OLFM3: variants seen among roughly 807,000 people sequenced by gnomAD.
The protein encoded by OLFM3 is noelin-3.
In OLFM3, 20 loss-of-function variants were observed where a neutral mutation model predicts 48.6. The ratio of observed to expected loss-of-function variants is 0.41; its 90% CI spans 0.29 to 0.60. OLFM3 has a LOEUF of 0.60. Ranked by LOEUF, OLFM3 falls within the 20% of genes least tolerant of loss-of-function variation. The probability of loss-of-function intolerance (pLI) is 0.28; values close to 1 mark genes in which losing one functional copy is unlikely to be tolerated. For synonymous variants in OLFM3, 222 were observed against 198.1 expected (o/e 1.12, Z -1.01); for missense variants, 437 against 544.3 (o/e 0.80, Z 1.96).
At chr1:101,990,971 C>T (rs1366162458) in intron 1 of OLFM3, among the ~76,000 whole-genome samples, 9 of 106,076 alleles carry the variant, frequency 8.5e-5, no homozygotes, top group Admixed American at 4.2e-4. Context: ...GGCGACAGAG[C>T]GAGACTCTGT....
At chr1:101,824,088 A>G (rs1291186836) in intron 4 of OLFM3, among the ~76,000 whole-genome samples, 1 of 152,030 alleles carries the variant, frequency 6.6e-6, no homozygotes, top group Non-Finnish European at 1.5e-5. Context: ...AGTTTTCTTT[A>G]CTAGAAATTA....
At chr1:101,832,410 G>A (rs762300396) in intron 2 of OLFM3, among the ~76,000 whole-genome samples, 2 of 152,184 alleles carry the variant, frequency 1.3e-5, no homozygotes, top group Non-Finnish European at 2.9e-5. Context: ...AATGAATACT[G>A]TCTTGGCCTG....
chr1:101,971,348 T>C (rs1184811239), intron 1 of OLFM3, among the ~76,000 whole-genome samples: 1 of 152,160 alleles, frequency 6.6e-6, no homozygotes, highest in Non-Finnish European at 1.5e-5. Context: ...GAATTTGGGG[T>C]GGCCCTACGC....
chr1:101,809,847 G>T (rs1048402023), intron 4 of OLFM3, among the ~76,000 whole-genome samples: 3 of 151,944 alleles, frequency 2.0e-5, no homozygotes, highest in Admixed American at 2.0e-4. Context: ...GGAAGGAAAT[G>T]TGTCTAAGTC....
At chr1:101,945,575 G>A (rs1400466392) in intron 1 of OLFM3, among the ~76,000 whole-genome samples, 7 of 152,050 alleles carry the variant, frequency 4.6e-5, no homozygotes, top group African/African-American at 1.7e-4. Flanking sequence ...TTATATTGGT[G>A]ATAGTTTTAT....
At chr1:101,944,752 A>C (rs1659901861) in intron 1 of OLFM3, among the ~76,000 whole-genome samples, 2 of 151,698 alleles carry the variant, frequency 1.3e-5, no homozygotes, top group East Asian at 3.9e-4. Flanking sequence ...TGGTGGTGGG[A>C]GCCTGTAATC....
At chr1:101,857,081 C>A (rs1054804626) in intron 1 of OLFM3, among the ~76,000 whole-genome samples, 4 of 151,954 alleles carry the variant, frequency 2.6e-5, no homozygotes, top group Admixed American at 6.6e-5. Flanking sequence ...TCATAGGGAT[C>A]TTGGTCCTAT....
At chr1:101,833,442 C>T (rs1299918160) in intron 2 of OLFM3, among the ~76,000 whole-genome samples, 1 of 152,112 alleles carries the variant, frequency 6.6e-6, no homozygotes, top group African/African-American at 2.4e-5. Flanking sequence ...CCTGATGACA[C>T]GGGAGACTGA....
chr1:101,885,744 A>G (rs904262329), intron 1 of OLFM3, among the ~76,000 whole-genome samples: 2 of 152,154 alleles, frequency 1.3e-5, no homozygotes, highest in Non-Finnish European at 2.9e-5. Context: ...AGTATATGAT[A>G]CACATAACCA....
chr1:101,846,966 G>T, intron 1 of OLFM3: 3 of 1,611,576 alleles, frequency 1.9e-6, no homozygotes, highest in Non-Finnish European at 2.5e-6. Flanking sequence ...CAGCAGTGGA[G>T]GACTCATTGC....
chr1:101,896,421 A>G (rs1359364162), intron 1 of OLFM3, among the ~76,000 whole-genome samples: 3 of 151,506 alleles, frequency 2.0e-5, no homozygotes, highest in African/African-American at 4.9e-5. Flanking sequence ...TGCACTCACA[A>G]TTTGAACATG....
intron 1 of OLFM3, among the ~76,000 whole-genome samples, chr1:101,874,999 C>A (rs1453167158): frequency 6.6e-6 from 1 of 151,904 alleles, no homozygotes; most frequent in Non-Finnish European, 1.5e-5. Context: ...ACTATGAATC[C>A]TCTCATAACT....
At chr1:101,895,016 A>G (rs192486466) in intron 1 of OLFM3, among the ~76,000 whole-genome samples, 212 of 152,224 alleles carry the variant, frequency 1.4e-3, no homozygotes, top group African/African-American at 4.7e-3. Context: ...GAATGAATAC[A>G]ATACTCATAA....
intron 1 of OLFM3, among the ~76,000 whole-genome samples, chr1:101,887,378 C>G (rs563684922): frequency 1.5e-4 from 23 of 150,848 alleles, no homozygotes; most frequent in Non-Finnish European, 3.4e-4. Context: ...AATGGCAAAC[C>G]AATAAAATAT....
chr1:101,871,354 T>A (rs1038673189), intron 1 of OLFM3, among the ~76,000 whole-genome samples: 1 of 152,140 alleles, frequency 6.6e-6, no homozygotes, highest in Non-Finnish European at 1.5e-5. Context: ...TTCAAATATT[T>A]TGTTTTATAA....
At chr1:101,806,284 A>G (rs1179236201) in intron 4 of OLFM3, 102 bp from the exon 5 acceptor site, 1 of 793,722 alleles carries the variant, frequency 1.3e-6, no homozygotes, top group East Asian at 2.6e-5. Context: ...AACTAAGCCA[A>G]TCCATGGAAT....
chr1:101,930,572 T>C (rs1413295185), intron 1 of OLFM3, among the ~76,000 whole-genome samples: 1 of 152,168 alleles, frequency 6.6e-6, no homozygotes, highest in Non-Finnish European at 1.5e-5. Context: ...ATGTACTGAT[T>C]GTTAACTGTT....
chr1:101,866,211 C>G (rs1165763717), intron 1 of OLFM3, among the ~76,000 whole-genome samples: 2 of 152,042 alleles, frequency 1.3e-5, no homozygotes, highest in African/African-American at 4.8e-5. Flanking sequence ...ATTATTTGTA[C>G]ATTAAAATGT....
At position 101,905,792 on chromosome 1, in the gene OLFM3, G is replaced by A. The variant is rs74107125; in HGVS notation, c.70-68767C>T. Among the ~76,000 whole-genome samples the A allele has an allele frequency of 8.6e-3, 1,314 of 152,162 alleles. 14 individuals are homozygous for A. The highest frequency in any genetic ancestry group is 0.03 in the African/African-American group (1,244 of 41,506). On this transcript the variant is annotated intron_variant, in intron 1 of 5. Coordinates refer to ENST00000370103, the MANE Select transcript of OLFM3 (RefSeq NM_058170.4). Reference sequence around the variant, plus strand: ...GCAAGGATCTATGAAAACACACACCGATTGGCCCAAATTTACCTTTAAAGT... The same window carrying A: ...GCAAGGATCTATGAAAACACACACCAATTGGCCCAAATTTACCTTTAAAGT...
Sources: gnomAD v4.1 joint callset for allele counts (sites outside exome capture counted in the v4.1 genomes callset) on GRCh38, gnomAD v4.1.1 for gene constraint, MANE v1.5 for transcripts, NCBI Gene and HGNC (gene_info 2026-07-23, HGNC 2026-07-21) for gene names.